Variants in PRLR observed in about 807,000 individuals in gnomAD.
PRLR encodes prolactin receptor.
PRLR carries 13 observed loss-of-function variants against 40.2 expected under a neutral mutation model. The observed-to-expected ratio is 0.32, with a 90% CI of 0.21 to 0.51. The LOEUF (loss-of-function observed/expected upper bound fraction) is 0.51. PRLR is among the 20% of genes least tolerant of loss of function. The pLI, the probability that PRLR is intolerant of heterozygous loss-of-function variation, is 0.97. For missense variants in PRLR, 656 were observed against 747.3 expected (o/e 0.88, Z 1.42); for synonymous variants, 269 against 278.7 (o/e 0.97, Z 0.35).
At chr5:35,094,211 C>T (rs184158958) in intron 2 of PRLR, among the ~76,000 whole-genome samples, 1 of 152,336 alleles carries the variant, frequency 6.6e-6, no homozygotes, top group Admixed American at 6.5e-5. Flanking sequence ...AACCATTCTT[C>T]CCACTTCTAA....
chr5:35,102,957 C>G (rs1001165869), intron 2 of PRLR, among the ~76,000 whole-genome samples: 11 of 152,198 alleles, frequency 7.2e-5, no homozygotes, highest in African/African-American at 2.7e-4. Flanking sequence ...GCCCCTTCCA[C>G]TCTATTGTTG....
intron 1 of PRLR, among the ~76,000 whole-genome samples, chr5:35,216,418 G>T (rs1305784796): frequency 6.6e-6 from 1 of 151,992 alleles, no homozygotes; most frequent in African/African-American, 2.4e-5. Context: ...AGGAGTTGGG[G>T]GCTTATGTGG....
intron 1 of PRLR, among the ~76,000 whole-genome samples, chr5:35,226,256 GCC>G (rs1246386083): frequency 6.6e-6 from 1 of 152,172 alleles, no homozygotes; most frequent in East Asian, 1.9e-4. Flanking sequence ...TTATCTCAAA[GCC>G]CACATGCTGT....
chr5:35,220,871 C>T (rs1484850665), intron 1 of PRLR, among the ~76,000 whole-genome samples: 1 of 152,168 alleles, frequency 6.6e-6, no homozygotes, highest in Non-Finnish European at 1.5e-5. Flanking sequence ...AATACAAAAA[C>T]CTGGTTTCTT....
chr5:35,215,999 C>T (rs1023756389), intron 1 of PRLR, among the ~76,000 whole-genome samples: 5 of 151,326 alleles, frequency 3.3e-5, no homozygotes, highest in African/African-American at 1.2e-4. Context: ...GATTGCGCCA[C>T]TGCACTGCAG....
At chr5:35,192,520 G>A (rs1365298232) in intron 1 of PRLR, among the ~76,000 whole-genome samples, 1 of 152,190 alleles carries the variant, frequency 6.6e-6, no homozygotes, top group Non-Finnish European at 1.5e-5. Flanking sequence ...AAGTCAGGGA[G>A]AAAAAGTGTG....
At chr5:35,135,105 TAGAG>T (rs1270601513) in intron 1 of PRLR, among the ~76,000 whole-genome samples, 1 of 151,610 alleles carries the variant, frequency 6.6e-6, no homozygotes, top group Non-Finnish European at 1.5e-5. Flanking sequence ...TTTTTTTTCT[TAGAG>T]AGTTCTATCC....
chr5:35,212,158 G>A (rs35929306), intron 1 of PRLR, among the ~76,000 whole-genome samples: 86,765 of 152,092 alleles, frequency 0.57, 25,904 homozygotes, highest in Non-Finnish European at 0.67. Flanking sequence ...ATACCTCTTC[G>A]TAGGTATACA....
chr5:35,158,236 TTA>T (rs1285409107), intron 1 of PRLR, among the ~76,000 whole-genome samples: 1 of 152,160 alleles, frequency 6.6e-6, no homozygotes, highest in Non-Finnish European at 1.5e-5. Context: ...TGCCTGCTGT[TTA>T]TATGTTGTCT....
At chr5:35,090,120 G>T (rs1227014451) in intron 2 of PRLR, among the ~76,000 whole-genome samples, 1 of 152,130 alleles carries the variant, frequency 6.6e-6, no homozygotes, top group Non-Finnish European at 1.5e-5. Context: ...ACATAACCAT[G>T]CTGATTCCAC....
intron 1 of PRLR, among the ~76,000 whole-genome samples, chr5:35,188,414 C>T (rs1406350598): frequency 6.6e-6 from 1 of 152,212 alleles, no homozygotes; most frequent in Non-Finnish European, 1.5e-5. Context: ...GCTTTGTCTC[C>T]AAAGCTTAGC....
rs145972910 is a variant in PRLR, at chr5:35,220,850, C to T, written c.-106+9418G>A. Among the ~76,000 whole-genome samples, 1,091 of 152,298 alleles carry T rather than the reference C, an allele frequency of 7.2e-3. 6 individuals are homozygous for T. The highest frequency in any genetic ancestry group is 0.011 in the Non-Finnish European group (759 of 68,012). The stretch of plus-strand genomic sequence containing the variant: ...ATCACCTTCTGTCCCCCAGCCTCTT[C>T]CATCAAATCTAATACAAAAACCTGG... On this transcript the variant is annotated intron_variant, in intron 1 of 9. Transcript: ENST00000618457.
chr5:35,223,022 C>T (rs1282990369), intron 1 of PRLR, among the ~76,000 whole-genome samples: 1 of 152,186 alleles, frequency 6.6e-6, no homozygotes, highest in Non-Finnish European at 1.5e-5. Context: ...CTATAGGACA[C>T]CCCCAAAGTA....
intron 2 of PRLR, among the ~76,000 whole-genome samples, chr5:35,099,287 A>C (rs147198366): frequency 4.0e-4 from 61 of 152,334 alleles, no homozygotes; most frequent in African/African-American, 1.4e-3. Flanking sequence ...TGGTGGTCCT[A>C]TAAGATGACA....
chr5:35,133,155 G>A (rs545107236), intron 1 of PRLR, among the ~76,000 whole-genome samples: 15 of 152,146 alleles, frequency 9.9e-5, no homozygotes, highest in South Asian at 2.1e-4. Flanking sequence ...GGCTTTGGCC[G>A]TGGAGTGGGA....
chr5:35,198,567 G>A (rs549226395), intron 1 of PRLR, among the ~76,000 whole-genome samples: 7 of 152,040 alleles, frequency 4.6e-5, no homozygotes, highest in Non-Finnish European at 7.4e-5. Flanking sequence ...TAGTTTCTTC[G>A]CTCTGCTATT....
At chr5:35,168,190 T>C (rs1274587845) in intron 1 of PRLR, among the ~76,000 whole-genome samples, 2 of 152,012 alleles carry the variant, frequency 1.3e-5, no homozygotes, top group African/African-American at 2.4e-5. Flanking sequence ...TCTAATTACA[T>C]AGACCCAAAA....
intron 1 of PRLR, among the ~76,000 whole-genome samples, chr5:35,167,124 A>G (rs1198246811): frequency 2.7e-5 from 4 of 149,476 alleles, no homozygotes; most frequent in East Asian, 3.9e-4. Context: ...AATAACATCA[A>G]TCTGTTTGTC....
At chr5:35,085,580 C>T (rs574780896) in intron 4 of PRLR, among the ~76,000 whole-genome samples, 4 of 152,214 alleles carry the variant, frequency 2.6e-5, no homozygotes, top group Admixed American at 2.0e-4. Flanking sequence ...AAAAACCTCA[C>T]CTTCTTTTCC....
Sources: gnomAD v4.1 joint callset for allele counts (sites outside exome capture counted in the v4.1 genomes callset) on GRCh38, gnomAD v4.1.1 for gene constraint, MANE v1.5 for transcripts, NCBI Gene and HGNC (gene_info 2026-07-23, HGNC 2026-07-21) for gene names.